Variants in CLASP1 observed in about 807,000 individuals in gnomAD.
CLASP1 encodes cytoplasmic linker associated protein 1.
CLASP1 carries 38 observed loss-of-function variants against 192.3 expected under a neutral mutation model. The ratio of observed to expected loss-of-function variants is 0.20; its 90% CI spans 0.15 to 0.26. The LOEUF is 0.26. Ranked by LOEUF, CLASP1 falls within the 10% of genes least tolerant of loss-of-function variation. The pLI, the probability that CLASP1 is intolerant of heterozygous loss-of-function variation, is 1.00. For missense variants in CLASP1, 1,433 were observed against 1,932.5 expected, an observed-to-expected ratio of 0.74 and a Z score of 4.85; for synonymous variants, 691 against 712.8, an observed-to-expected ratio of 0.97 and a Z score of 0.49.
intron 8 of CLASP1, among the ~76,000 whole-genome samples, chr2:121,478,830 C>CACACCA: frequency 1.7e-5 from 1 of 59,788 alleles, no homozygotes; most frequent in Non-Finnish European, 3.2e-5. Context: ...CAACCACACA[C>CACACCA]CACACACCAC....
At chr2:121,544,439 CAA>C (rs11293204) in intron 2 of CLASP1, among the ~76,000 whole-genome samples, 188 of 80,694 alleles carry the variant, frequency 2.3e-3, no homozygotes, top group Middle Eastern at 7.9e-3. Flanking sequence ...AAAATATATA[CAA>C]AAAAAAAAAA....
chr2:121,639,747 C>T (rs1323427700), intron 1 of CLASP1, among the ~76,000 whole-genome samples: 1 of 151,352 alleles, frequency 6.6e-6, no homozygotes, highest in East Asian at 1.9e-4. Flanking sequence ...CCTGTAATCT[C>T]AGCTACTCCG....
chr2:121,424,719 G>A (rs138675445), intron 22 of CLASP1, among the ~76,000 whole-genome samples: 149 of 152,258 alleles, frequency 9.8e-4, no homozygotes, highest in Non-Finnish European at 1.7e-3. Context: ...TCACCAATTA[G>A]ATTAGAGAAG....
Position 121,551,935 on chromosome 2 carries a change from A to G in CLASP1, c.196-21610T>C, listed in dbSNP as rs371755445. 2.0e-5 allele frequency among the ~76,000 whole-genome samples: 3 copies of G among 152,216 alleles called. No individual in the cohort carries two copies. In the South Asian group the frequency reaches 6.2e-4, roughly 31 times the overall value. On this transcript the variant is annotated intron_variant, in intron 2 of 39. Coordinates refer to ENST00000263710, the Ensembl canonical transcript of CLASP1. Reference sequence around the variant, plus strand: ...AGAACAAGGCTGAAGGCATCACATTACCTGAGTTCAAACTATACTACAGTA... The same window carrying G: ...AGAACAAGGCTGAAGGCATCACATTGCCTGAGTTCAAACTATACTACAGTA...
chr2:121,341,167 G>A (rs1286579559), intron 39 of CLASP1, among the ~76,000 whole-genome samples: 1 of 152,238 alleles, frequency 6.6e-6, no homozygotes, highest in Non-Finnish European at 1.5e-5. Context: ...GAGTCCAGAG[G>A]AGAGGGAAAA....
At chr2:121,409,010 T>A (rs781572776) in intron 24 of CLASP1, 6 of 1,557,454 alleles carry the variant, frequency 3.9e-6, no homozygotes, top group Non-Finnish European at 5.2e-6. Flanking sequence ...AAACAAAAGT[T>A]AAAGGACTGG....
chr2:121,401,934 GAATTAATACC>G (rs1307182212), intron 26 of CLASP1, 64 bp from the exon 28 acceptor site: 1 of 622,312 alleles, frequency 1.6e-6, no homozygotes, highest in Non-Finnish European at 3.0e-6. Context: ...AGTTGGCAGT[GAATTAATACC>G]ATTTTCATGC....
chr2:121,573,142 TAG>T (rs2060139682), intron 2 of CLASP1, among the ~76,000 whole-genome samples: 1 of 152,114 alleles, frequency 6.6e-6, no homozygotes, highest in African/African-American at 2.4e-5. Flanking sequence ...GTATTTTTAG[TAG>T]AGATGGGGTT....
At chr2:121,644,150 C>T (rs573364440) in intron 1 of CLASP1, among the ~76,000 whole-genome samples, 10 of 152,292 alleles carry the variant, frequency 6.6e-5, no homozygotes, top group African/African-American at 2.2e-4. Flanking sequence ...TCCCCTCACC[C>T]TCATTTTACA....
intron 7 of CLASP1, among the ~76,000 whole-genome samples, chr2:121,508,259 A>G (rs1048174804): frequency 1.3e-5 from 2 of 152,232 alleles, no homozygotes; most frequent in Admixed American, 6.5e-5. Flanking sequence ...AGAGCTAAGT[A>G]GAAGTTTTTA....
chr2:121,416,988 G>A (rs960801983), intron 23 of CLASP1, among the ~76,000 whole-genome samples: 3 of 152,208 alleles, frequency 2.0e-5, no homozygotes, highest in African/African-American at 4.8e-5. Flanking sequence ...GTGGGGAAAA[G>A]CATGATACAA....
intron 33 of CLASP1, 72 bp downstream of exon 34, chr2:121,382,136 A>G (rs1247164210): frequency 2.4e-6 from 3 of 1,257,654 alleles, no homozygotes; most frequent in Non-Finnish European, 3.4e-6. Context: ...GGCTTTCCCA[A>G]AGACCTGAGA....
In CLASP1 at chr2:121,370,137, T is replaced by A. The variant is rs1231274951; in HGVS notation, c.3643-2306A>T. Among the ~76,000 whole-genome samples the A allele has an allele frequency of 2.6e-5, 4 of 152,250 alleles. 1 individual carries two copies. The highest frequency in any genetic ancestry group is 4.1e-4 in the South Asian group (2 of 4,836). ...TTTGCTGTGTGCATCACCCTCCTACTGCATCTGACATTCATCCTATTGGCT... is the reference window on the plus strand; with the variant it reads ...TTTGCTGTGTGCATCACCCTCCTACAGCATCTGACATTCATCCTATTGGCT... On this transcript the variant is annotated intron_variant, in intron 34 of 39. Transcript: ENST00000263710.
At chr2:121,367,561 G>A (rs1280063026) in intron 35 of CLASP1, 27 bp downstream of exon 36, 1 of 1,613,436 alleles carries the variant, frequency 6.2e-7, no homozygotes. Context: ...CTTCTGGGTG[G>A]GGACAGTTAA....
intron 6 of CLASP1, among the ~76,000 whole-genome samples, chr2:121,519,250 T>C (rs779468885): frequency 5.9e-5 from 9 of 152,202 alleles, no homozygotes; most frequent in Non-Finnish European, 8.8e-5. Flanking sequence ...GAAATAACAG[T>C]TTCATTCAAC....
intron 2 of CLASP1, among the ~76,000 whole-genome samples, chr2:121,604,603 G>A (rs2064191151): frequency 6.6e-6 from 1 of 152,206 alleles, no homozygotes; most frequent in Admixed American, 6.5e-5. Context: ...AGGAGGTGGA[G>A]GTTGCAGTGA....
intron 8 of CLASP1, among the ~76,000 whole-genome samples, chr2:121,490,785 T>C (rs1575419248): frequency 6.6e-6 from 1 of 152,308 alleles, no homozygotes; most frequent in South Asian, 2.1e-4. Context: ...AAACACATTA[T>C]CCTTGTATTC....
At chr2:121,388,013 G>A (rs2073636572) in intron 30 of CLASP1, 107 bp from the exon 32 acceptor site, 9 of 781,354 alleles carry the variant, frequency 1.2e-5, no homozygotes, top group South Asian at 6.4e-5. Context: ...CTAATAAGAG[G>A]GCATTCTAGG....
chr2:121,595,546 T>C (rs992265387), intron 2 of CLASP1, among the ~76,000 whole-genome samples: 6 of 152,246 alleles, frequency 3.9e-5, no homozygotes, highest in Non-Finnish European at 7.3e-5. Flanking sequence ...AGGGAAAGTA[T>C]AAGTGTTAAA....
Sources: allele counts gnomAD v4.1 joint callset (sites outside exome capture counted in the v4.1 genomes callset), GRCh38; gene constraint gnomAD v4.1.1; transcripts MANE v1.5; gene names NCBI Gene and HGNC (gene_info 2026-07-23, HGNC 2026-07-21).